The following RDH11 variants were observed in gnomAD, a reference collection of about 807,000 sequenced individuals.
RDH11 encodes retinol dehydrogenase 11, also known as HCV core-binding protein HCBP12.
In RDH11, 19 loss-of-function variants were observed where a neutral mutation model predicts 33.4. The ratio of observed to expected loss-of-function variants is 0.57; its 90% confidence interval spans 0.40 to 0.83. The LOEUF is 0.83. Ranked by LOEUF, RDH11 falls within the 40% of genes least tolerant of loss-of-function variation. The pLI, the probability that RDH11 is intolerant of heterozygous loss-of-function variation, is 0.00. For missense variants in RDH11, 353 were observed against 389.0 expected (o/e 0.91, Z 0.78); for synonymous variants, 154 against 155.3 (o/e 0.99, Z 0.06).
At chr14:67,679,426 C>T (rs1414489079) in intron 6 of RDH11, among the ~76,000 whole-genome samples, 3 of 137,388 alleles carry the variant, frequency 2.2e-5, no homozygotes, top group East Asian at 2.0e-4. Context: ...TTTTTGGAGG[C>T]GGAGTCTCAC....
intron 3 of RDH11, chr14:67,691,772 A>G (rs988575856): frequency 6.4e-6 from 1 of 155,820 alleles, no homozygotes; most frequent in African/African-American, 2.4e-5. Flanking sequence ...CTGGGCTATA[A>G]GGGGATATGC....
At chr14:67,682,843 G>A (rs1156452327) in intron 6 of RDH11, among the ~76,000 whole-genome samples, 1 of 152,188 alleles carries the variant, frequency 6.6e-6, no homozygotes, top group Non-Finnish European at 1.5e-5. Flanking sequence ...CCCATCACCT[G>A]ATGAATGAAT....
In RDH11 at chr14:67,678,034, C is replaced by G. The variant is rs2037565777; in HGVS notation, c.*287G>C. 8.3e-6 allele frequency: 2 copies of G among 241,596 alleles called. No homozygotes were observed. The highest frequency in any genetic ancestry group is 1.6e-5 in the Non-Finnish European group (2 of 123,866). 15.0% of individuals were successfully genotyped at this position (241,596 alleles called of 1,614,324 possible). ...CTTAGATTCTCCTAGGTAGTAGTTTCTTTCAGAAGGAAAATGAGCTGTGCA... is the reference window on the plus strand; with the variant it reads ...CTTAGATTCTCCTAGGTAGTAGTTTGTTTCAGAAGGAAAATGAGCTGTGCA... On this transcript the variant is annotated 3_prime_UTR_variant, in exon 7 of 7. Transcript: ENST00000381346.
Position 67,695,704 on chromosome 14 carries a change from C to A in RDH11, c.-1G>T. The A allele has an allele frequency of 6.2e-7, 1 of 1,614,128 alleles. No homozygotes were observed. The highest frequency in any genetic ancestry group is 8.5e-7 in the Non-Finnish European group (1 of 1,180,006). On this transcript the variant is annotated 5_prime_UTR_variant, in exon 1 of 7. Transcript: ENST00000381346. ...ACAGCGGGAACATGAGCTCAACCAT[C>A]TCTGCCGGCTGCAGCGGCACCAGAG...
chr14:67,692,641 T>C, intron 2 of RDH11, 48 bp from the exon 3 acceptor site: 2 of 1,509,982 alleles, frequency 1.3e-6, no homozygotes, highest in East Asian at 2.3e-5. Flanking sequence ...GTTTTTGAGC[T>C]GGCATTATAA....
At chr14:67,679,446 C>T (rs2037586155) in intron 6 of RDH11, among the ~76,000 whole-genome samples, 1 of 151,548 alleles carries the variant, frequency 6.6e-6, no homozygotes, top group African/African-American at 2.4e-5. Context: ...CTCTGTCGCC[C>T]AGGCTGGAGT....
intron 5 of RDH11, among the ~76,000 whole-genome samples, chr14:67,686,728 GGAAAAC>G (rs2037684054): frequency 6.6e-6 from 1 of 151,614 alleles, no homozygotes; most frequent in Admixed American, 6.6e-5. Flanking sequence ...AATCCTTTAT[GGAAAAC>G]GCTGGGGCCA....
intron 5 of RDH11, among the ~76,000 whole-genome samples, chr14:67,688,622 G>A (rs2140073171): frequency 6.7e-6 from 1 of 150,180 alleles, no homozygotes; most frequent in Admixed American, 6.6e-5. Context: ...TTTGGTAGAG[G>A]AGATGAGGTC....
intron 5 of RDH11, among the ~76,000 whole-genome samples, chr14:67,685,847 T>G (rs111906369): frequency 6.6e-6 from 1 of 151,454 alleles, no homozygotes; most frequent in Non-Finnish European, 1.5e-5. Context: ...AACTCCTGAC[T>G]TCAAGTGATC....
At chr14:67,684,134 C>A (rs1165082649) in intron 6 of RDH11, among the ~76,000 whole-genome samples, 1 of 151,714 alleles carries the variant, frequency 6.6e-6, no homozygotes, top group African/African-American at 2.4e-5. Flanking sequence ...TGCTAAAGCA[C>A]AGACCAGATT....
Position 67,685,093 on chromosome 14 carries a change from G to C in RDH11, c.776C>G (p.Thr259Ser). The C allele has an allele frequency of 6.2e-7, 1 of 1,614,120 alleles. No individual in the cohort carries two copies. The highest frequency in any genetic ancestry group is 8.5e-7 in the Non-Finnish European group (1 of 1,179,980). The change falls in exon 6 of 7, where the codon ACT becomes AGT. Residue 259 changes from threonine to serine, a missense_variant. Physicochemically the swap from Thr to Ser is moderately conservative, Grantham distance 58. Coordinates refer to ENST00000381346, the MANE Select transcript of RDH11 (RefSeq NM_016026.4). ...GCTGGTCTGGGCTCCCTGCTGAGGA[G>C]TCTTGATGAAAAAGGAGAAAAGCCA... ...MWWLFSFFIK[T>S]PQQGAQTSLH...
Position 67,678,255 on chromosome 14 carries a change from T to C in RDH11, c.*66A>G. On this transcript the variant is annotated 3_prime_UTR_variant, in exon 7 of 7. Transcript: ENST00000381346. ...AGGTTTTGAAAACCTTGAAGGAGAATCATTTTGACAAGAAGTACTGTGTAG... is the reference window on the plus strand; with the variant it reads ...AGGTTTTGAAAACCTTGAAGGAGAACCATTTTGACAAGAAGTACTGTGTAG... The C allele has an allele frequency of 9.4e-7, 1 of 1,059,298 alleles. No individual in the cohort carries two copies. Among genetic ancestry groups the C allele is most frequent in the Admixed American group, 1.8e-5 (1 of 54,520 alleles). 65.6% of individuals were successfully genotyped at this position (1,059,298 alleles called of 1,614,324 possible).
chr14:67,694,629 T>C (rs2037804577), intron 1 of RDH11, among the ~76,000 whole-genome samples: 1 of 151,314 alleles, frequency 6.6e-6, no homozygotes. Flanking sequence ...GAAAAAAAGA[T>C]AAAAAGCAGT....
Position 67,678,025 on chromosome 14 carries a change from T to G in RDH11, c.*296A>C, listed in dbSNP as rs189705004. On this transcript the variant is annotated 3_prime_UTR_variant, in exon 7 of 7. Coordinates refer to ENST00000381346, the MANE Select transcript of RDH11 (RefSeq NM_016026.4). ...CTGCTATAGCTTAGATTCTCCTAGG[T>G]AGTAGTTTCTTTCAGAAGGAAAATG... 2.6e-5 allele frequency: 6 copies of G among 229,608 alleles called. No homozygotes were observed. Among genetic ancestry groups the G allele is most frequent in the Non-Finnish European group, 1.7e-5 (2 of 116,384 alleles). 14.2% of individuals were successfully genotyped at this position (229,608 alleles called of 1,614,324 possible).
chr14:67,682,777 T>C (rs1239808056), intron 6 of RDH11, among the ~76,000 whole-genome samples: 2 of 152,242 alleles, frequency 1.3e-5, no homozygotes, highest in Non-Finnish European at 2.9e-5. Flanking sequence ...CAAAAATTTC[T>C]ACACAAATGG....
rs1216498198 is a variant in RDH11, at chr14:67,685,003, T to C, written c.854+12A>G. 3 of 1,595,764 alleles carry C rather than the reference T, an allele frequency of 1.9e-6. No individual in the cohort carries two copies. Among genetic ancestry groups the C allele is most frequent in the Non-Finnish European group, 2.6e-6 (3 of 1,171,646 alleles). On this transcript the variant is annotated intron_variant, in intron 6 of 6. Transcript: ENST00000381346. Reference sequence around the variant, plus strand: ...AATAAATCTCATCTGCAAAAAGAGATAACATTCATACCTGAAATGATTCCC... The same window carrying C: ...AATAAATCTCATCTGCAAAAAGAGACAACATTCATACCTGAAATGATTCCC...
intron 1 of RDH11, among the ~76,000 whole-genome samples, chr14:67,693,538 C>T (rs559337700): frequency 7.4e-4 from 112 of 151,452 alleles, no homozygotes; most frequent in African/African-American, 2.5e-3. Context: ...CACACCCACA[C>T]GCATGCACAT....
intron 5 of RDH11, among the ~76,000 whole-genome samples, chr14:67,689,703 G>C (rs185532147): frequency 3.1e-4 from 47 of 152,204 alleles, no homozygotes; most frequent in Non-Finnish European, 5.0e-4. Context: ...CAGCACTCTG[G>C]GAGGCCAAGG....
chr14:67,691,336 A>T, intron 3 of RDH11, 92 bp from the exon 4 acceptor site: 2 of 772,336 alleles, frequency 2.6e-6, no homozygotes, highest in South Asian at 3.1e-5. Context: ...GAAAATGAGG[A>T]TGCAGGACTT....
Sources: allele counts gnomAD v4.1 joint callset (sites outside exome capture counted in the v4.1 genomes callset), GRCh38; gene constraint gnomAD v4.1.1; transcripts MANE v1.5; gene names NCBI Gene and HGNC (gene_info 2026-07-23, HGNC 2026-07-21).